Variants in CNTLN observed in about 807,000 individuals in gnomAD.
CNTLN encodes the protein centlein, centrosomal protein.
In CNTLN, 212 loss-of-function variants were observed where a neutral mutation model predicts 180.0. The observed-to-expected ratio is 1.18, with a 90% confidence interval of 1.05 to 1.32. CNTLN has a LOEUF of 1.32. CNTLN is among the 40% of genes most tolerant of loss of function. The pLI, the probability that CNTLN is intolerant of heterozygous loss-of-function variation, is 0.00. For missense variants in CNTLN, 2,095 were observed against 1,610.9 expected (o/e 1.30, Z -5.14); for synonymous variants, 722 against 563.1 (o/e 1.28, Z -3.99).
intron 12 of CNTLN, among the ~76,000 whole-genome samples, chr9:17,353,820 G>T (rs1286923179): frequency 2.0e-5 from 3 of 152,118 alleles, no homozygotes; most frequent in Admixed American, 6.5e-5. Flanking sequence ...CTCTACCTGG[G>T]CTCCCACTTT....
At chr9:17,495,901 C>A (rs907718454) in intron 25 of CNTLN, among the ~76,000 whole-genome samples, 1 of 152,106 alleles carries the variant, frequency 6.6e-6, no homozygotes, top group Non-Finnish European at 1.5e-5. Flanking sequence ...CATTTGCCTA[C>A]AATATGTAGT....
At chr9:17,355,500 C>A (rs1198605879) in intron 12 of CNTLN, among the ~76,000 whole-genome samples, 2 of 152,154 alleles carry the variant, frequency 1.3e-5, no homozygotes, top group East Asian at 3.9e-4. Flanking sequence ...ATCTCAGAAT[C>A]CATAATGAAA....
chr9:17,284,332 G>C (rs1828845840), intron 6 of CNTLN, among the ~76,000 whole-genome samples: 1 of 152,186 alleles, frequency 6.6e-6, no homozygotes, highest in Non-Finnish European at 1.5e-5. Context: ...GTTTCGGAAG[G>C]AATGGTACTA....
chr9:17,474,604 C>T (rs1245185247), intron 23 of CNTLN, among the ~76,000 whole-genome samples: 2 of 152,168 alleles, frequency 1.3e-5, no homozygotes, highest in Non-Finnish European at 2.9e-5. Context: ...CATAGTGGCT[C>T]ACGCCTGTAA....
In CNTLN at chr9:17,332,596, A is replaced by G; in HGVS notation, c.1519-9A>G. ...ACTAGTTCAACCATGTCCTTGTTTT[A>G]TTCTCGAGGAACCACCTGTGAAACG... On this transcript the variant is annotated splice_polypyrimidine_tract_variant and intron_variant, in intron 9 of 25. Transcript: ENST00000380647. The G allele has an allele frequency of 1.3e-6, 2 of 1,598,408 alleles. No homozygotes were observed. Among genetic ancestry groups the G allele is most frequent in the East Asian group, 2.3e-5 (1 of 44,106 alleles).
chr9:17,504,992 T>A (rs566294675), downstream of CNTLN, among the ~76,000 whole-genome samples: 4 of 152,286 alleles, frequency 2.6e-5, no homozygotes, highest in South Asian at 8.3e-4. Context: ...AAGTTTTACA[T>A]CTATGTTCAT....
At chr9:17,252,106 T>C (rs1826179593) in intron 5 of CNTLN, among the ~76,000 whole-genome samples, 1 of 152,032 alleles carries the variant, frequency 6.6e-6, no homozygotes, top group African/African-American at 2.4e-5. Context: ...TATTTATATA[T>C]ACACCACATT....
intron 18 of CNTLN, among the ~76,000 whole-genome samples, chr9:17,445,648 A>G (rs1830364307): frequency 6.6e-6 from 1 of 152,156 alleles, no homozygotes; most frequent in Non-Finnish European, 1.5e-5. Context: ...AGGGACACAA[A>G]AACTGCGGAA....
intron 18 of CNTLN, among the ~76,000 whole-genome samples, chr9:17,438,144 T>G (rs1314940975): frequency 6.6e-6 from 1 of 152,140 alleles, no homozygotes; most frequent in African/African-American, 2.4e-5. Flanking sequence ...CCAATTAAAT[T>G]TGAATATCTA....
At chr9:17,458,979 A>G (rs150773054) in intron 19 of CNTLN, among the ~76,000 whole-genome samples, 156 of 151,916 alleles carry the variant, frequency 1.0e-3, no homozygotes, top group Admixed American at 1.8e-3. Flanking sequence ...TCATTGAGCT[A>G]TTCCTTGATC....
At chr9:17,483,588 A>G (rs546639899) in intron 23 of CNTLN, among the ~76,000 whole-genome samples, 1 of 152,342 alleles carries the variant, frequency 6.6e-6, no homozygotes, top group African/African-American at 2.4e-5. Flanking sequence ...AAAGCCATGT[A>G]TTGAAGCACT....
intron 2 of CNTLN, chr9:17,167,800 A>C (rs535366159): frequency 6.6e-6 from 1 of 152,338 alleles, no homozygotes; most frequent in East Asian, 1.9e-4. Flanking sequence ...TGTGAACCAT[A>C]CATAATAAGT....
At chr9:17,264,112 C>T (rs1827219924) in intron 5 of CNTLN, among the ~76,000 whole-genome samples, 1 of 144,320 alleles carries the variant, frequency 6.9e-6, no homozygotes, top group Admixed American at 6.8e-5. Flanking sequence ...ACATGAAGTC[C>T]TGGCCCATGC....
intron 2 of CNTLN, among the ~76,000 whole-genome samples, chr9:17,210,363 T>C (rs142221026): frequency 0.011 from 1,686 of 152,314 alleles, 35 homozygotes; most frequent in African/African-American, 0.038. Flanking sequence ...GGTTTCCAGC[T>C]TCATCCATGT....
Position 17,347,997 on chromosome 9 carries a change from A to G in CNTLN, c.1886+5553A>G, listed in dbSNP as rs545263800. Among the ~76,000 whole-genome samples, 355 of 151,968 alleles carry G rather than the reference A, an allele frequency of 2.3e-3. 2 individuals are homozygous for G. The highest frequency in any genetic ancestry group is 3.8e-3 in the Non-Finnish European group (259 of 67,970). On this transcript the variant is annotated intron_variant, in intron 12 of 25. Coordinates refer to ENST00000380647, the MANE Select transcript of CNTLN (RefSeq NM_017738.4). ...TAGATGCTAGCCACCACTTCTGGCT[A>G]TTTTTTGTATTTTTGTAGAAACGGG...
In CNTLN at chr9:17,298,349, A is replaced by G; in HGVS notation, c.1143A>G (p.Gln381=). Residue 381 remains glutamine (Q), a synonymous_variant, in exon 7 of 26, where the codon CAA becomes CAG. Transcript: ENST00000380647. The part of the protein sequence containing the change: ...DVHTAESISY[Q]KLYNELHICF... ...ACACAGCTGAAAGTATATCATATCA[A>G]AAAGTATGCTTTTATTCTGTAATAA... 6.2e-7 allele frequency: 1 copy of G among 1,609,350 alleles called. No individual in the cohort carries two copies. The highest frequency in any genetic ancestry group is 8.5e-7 in the Non-Finnish European group (1 of 1,178,332).
intron 2 of CNTLN, among the ~76,000 whole-genome samples, chr9:17,171,498 G>A (rs952833493): frequency 5.3e-5 from 8 of 152,182 alleles, no homozygotes; most frequent in African/African-American, 1.9e-4. Context: ...TGTCTGCAGG[G>A]GGAGCGAGGG....
In CNTLN at chr9:17,498,267, A is replaced by C. The variant is rs546094913; in HGVS notation, c.4120-4284A>C. Reference sequence around the variant, plus strand: ...TATTTTTATGTTTTGCAATCATTTAAGCTCTGCTATTTTTCTAAGATAGTT... The same window carrying C: ...TATTTTTATGTTTTGCAATCATTTACGCTCTGCTATTTTTCTAAGATAGTT... On this transcript the variant is annotated intron_variant, in intron 25 of 25. Transcript: ENST00000380647. 1.8e-4 allele frequency among the ~76,000 whole-genome samples: 28 copies of C among 152,250 alleles called. No homozygotes were observed. The South Asian group carries it at 2.3e-3, about 12-fold the overall frequency.
chr9:17,319,983 C>G (rs1587645551), intron 8 of CNTLN, among the ~76,000 whole-genome samples: 1 of 152,168 alleles, frequency 6.6e-6, no homozygotes, highest in East Asian at 1.9e-4. Flanking sequence ...GAATGACTGC[C>G]TATTCTTATC....
Sources: allele counts gnomAD v4.1 joint callset (sites outside exome capture counted in the v4.1 genomes callset), GRCh38; gene constraint gnomAD v4.1.1; transcripts MANE v1.5; gene names NCBI Gene and HGNC (gene_info 2026-07-23, HGNC 2026-07-21).